RABEP2: variants seen among roughly 807,000 people sequenced by gnomAD.
RABEP2 encodes rabaptin, RAB GTPase binding effector protein 2, also known as rab GTPase-binding effector protein 2.
In RABEP2, 57 loss-of-function variants were observed where a neutral mutation model predicts 74.1. That is an observed-to-expected ratio of 0.77 (90% confidence interval 0.62 to 0.96). The LOEUF (loss-of-function observed/expected upper bound fraction) is 0.96. Ranked by LOEUF, RABEP2 falls within the 40% of genes least tolerant of loss-of-function variation. The probability of loss-of-function intolerance (pLI) is 0.00; values close to 1 mark genes in which losing one functional copy is unlikely to be tolerated. For missense variants in RABEP2, 692 were observed against 756.3 expected (o/e 0.91, Z 1.00); for synonymous variants, 351 against 344.0 (o/e 1.02, Z -0.23).
In RABEP2 at chr16:28,924,481, T is replaced by G. The variant is rs763953841; in HGVS notation, c.196A>C (p.Ser66Arg). 6.2e-7 allele frequency: 1 copy of G among 1,613,906 alleles called. No individual in the cohort carries two copies. The highest frequency in any genetic ancestry group is 2.2e-5 in the East Asian group (1 of 44,888). Residue 66 changes from serine to arginine, a missense_variant, in exon 2 of 13, where the codon AGC (serine) becomes CGC (arginine). Physicochemically the swap from Ser to Arg is moderately radical, Grantham distance 110. Transcript: ENST00000358201. Reference sequence around the variant, plus strand: ...GCAGCCACAGCCTCGGCCTTCGTGCTCTCGCTCACCTCTGCCACAGCCTTC... The same window carrying G: ...GCAGCCACAGCCTCGGCCTTCGTGCGCTCGCTCACCTCTGCCACAGCCTTC... ...TMKAVAEVSE[S>R]TKAEAVAAVQ...
chr16:28,910,711 G>A, intron 7 of RABEP2, 177 bp downstream of exon 7: 1 of 588,744 alleles, frequency 1.7e-6, no homozygotes, highest in Non-Finnish European at 3.0e-6. Flanking sequence ...CCCTGTTCTG[G>A]CCACGGCACC....
At position 28,908,614 on chromosome 16, in the gene RABEP2, C is replaced by T; in HGVS notation, c.1240G>A (p.Val414Met). 1 of 1,609,860 alleles carries T rather than the reference C, an allele frequency of 6.2e-7. No homozygotes were observed. The highest frequency in any genetic ancestry group is 8.5e-7 in the Non-Finnish European group (1 of 1,178,038). ...AGTGCCCACACTCAGCTTACTGGCACAGAGCTGGGCAGTGATTCCTCCTCG... is the reference window on the plus strand; with the variant it reads ...AGTGCCCACACTCAGCTTACTGGCATAGAGCTGGGCAGTGATTCCTCCTCG... ...QGEEESLPSS[V>M]PELQQLLCCT... The change falls in exon 8 of 13, where the codon GTG becomes ATG. Residue 414 changes from valine (V) to methionine (M), a missense_variant. Val to Met is a conservative substitution (Grantham distance 21). Coordinates refer to ENST00000358201, the MANE Select transcript of RABEP2 (RefSeq NM_024816.3).
chr16:28,908,127 G>C (rs1964260984), intron 8 of RABEP2, among the ~76,000 whole-genome samples: 1 of 152,120 alleles, frequency 6.6e-6, no homozygotes, highest in African/African-American at 2.4e-5. Context: ...ATTTTTAGTA[G>C]AGACAGGGTT....
rs974488889 is a variant in RABEP2, at chr16:28,905,510, G to A, written c.1495C>T (p.Gln499Ter). 1 of 1,610,626 alleles carries A rather than the reference G, an allele frequency of 6.2e-7. No individual in the cohort carries two copies. The highest frequency in any genetic ancestry group is 8.5e-7 in the Non-Finnish European group (1 of 1,179,212). Residue 499 changes from glutamine to a stop codon, truncating the protein, a stop_gained, in exon 12 of 13, where the codon CAG (glutamine) becomes TAG (stop). Transcript: ENST00000358201. LOFTEE classifies it high-confidence loss of function. The stretch of plus-strand genomic sequence containing the variant: ...TGTTCTGAGAGGAGGTCTGGGAGCT[G>A]GGCCTGCGGGGACAGACACCACACT... ...ERVQQEQSKA[Q>*]LPDLLSEQRA...
chr16:28,906,194 C>T lies in RABEP2; in HGVS notation c.1248G>A (p.Glu416=), dbSNP rs892779989. The part of the protein sequence containing the change: ...EEESLPSSVP[E]LQQLLCCTRQ... ...GCGTGCAGCACAGCAGCTGCTGCAG[C>T]TCCTGGAAGGGACGGAGGAGTCACC... The change falls in exon 9 of 13, where the codon GAG becomes GAA. Residue 416 remains glutamate (E), a splice_region_variant and synonymous_variant. Transcript: ENST00000358201. 1 of 1,585,028 alleles carries T rather than the reference C, an allele frequency of 6.3e-7. No homozygotes were observed. Among genetic ancestry groups the T allele is most frequent in the South Asian group, 1.1e-5 (1 of 88,344 alleles).
chr16:28,918,228 C>T (rs912023451), intron 3 of RABEP2, among the ~76,000 whole-genome samples: 4 of 151,576 alleles, frequency 2.6e-5, no homozygotes, highest in Non-Finnish European at 5.9e-5. Flanking sequence ...TACAGGCGCC[C>T]GCCACCGCGC....
Position 28,914,792 on chromosome 16 carries a change from G to A in RABEP2, c.433-10C>T, listed in dbSNP as rs201570165. 1.4e-3 allele frequency: 2,325 copies of A among 1,612,190 alleles called. 22 individuals are homozygous for A. Among genetic ancestry groups the A allele is most frequent in the South Asian group, 0.013 (1,191 of 90,992 alleles). ...CCGAGTCCTCGTGGGCCTGGAGGGA[G>A]CGGGGTGTGGCAGCAATAGTTCCCC... On this transcript the variant is annotated splice_polypyrimidine_tract_variant and intron_variant, in intron 3 of 12. Coordinates refer to ENST00000358201, the MANE Select transcript of RABEP2 (RefSeq NM_024816.3).
chr16:28,913,503 CAG>C (rs1269247910), intron 5 of RABEP2, among the ~76,000 whole-genome samples: 2 of 152,008 alleles, frequency 1.3e-5, no homozygotes, highest in South Asian at 2.1e-4. Context: ...TATTTTGAGA[CAG>C]AGTTTCACTC....
chr16:28,918,606 C>T (rs1327311064), intron 3 of RABEP2, among the ~76,000 whole-genome samples: 1 of 151,836 alleles, frequency 6.6e-6, no homozygotes. Flanking sequence ...CAGAGCAAGA[C>T]CCTGTCTCAA....
chr16:28,923,244 C>CA (rs921805894), intron 2 of RABEP2, among the ~76,000 whole-genome samples: 20 of 151,636 alleles, frequency 1.3e-4, no homozygotes, highest in African/African-American at 4.6e-4. Flanking sequence ...CCTGTTTCTA[C>CA]AAAAAAATAC....
chr16:28,911,207 A>G (rs1485072139), intron 5 of RABEP2, 28 bp from the exon 6 acceptor site: 1 of 1,598,576 alleles, frequency 6.3e-7, no homozygotes, highest in Admixed American at 1.7e-5. Context: ...TTCAGCCTGC[A>G]TCTCCCAGGA....
At chr16:28,906,279 G>A in intron 8 of RABEP2, 83 bp from the exon 9 acceptor site, 1 of 1,441,880 alleles carries the variant, frequency 6.9e-7, no homozygotes, top group South Asian at 1.4e-5. Flanking sequence ...GGGATTGTCG[G>A]GAGGAACGGG....
At chr16:28,920,214 A>T (rs960016551) in intron 2 of RABEP2, among the ~76,000 whole-genome samples, 4 of 152,076 alleles carry the variant, frequency 2.6e-5, no homozygotes, top group South Asian at 2.1e-4. Context: ...TAGTGTACAA[A>T]AAAATAAAAT....
At chr16:28,908,864 A>G (rs1383014054) in intron 7 of RABEP2, 100 bp from the exon 8 acceptor site, 1 of 1,271,438 alleles carries the variant, frequency 7.9e-7, no homozygotes. Flanking sequence ...ACTGACAGCA[A>G]GAGAGCCCAT....
intron 7 of RABEP2, chr16:28,910,285 C>CTT (rs78532991): frequency 3.8e-5 from 5 of 133,176 alleles, no homozygotes; most frequent in Admixed American, 1.6e-4. Context: ...ATCTGATTTG[C>CTT]TTTTTTTTTT....
At position 28,906,130 on chromosome 16, in the gene RABEP2, C is replaced by G. The variant is rs752008865; in HGVS notation, c.1312G>C (p.Gly438Arg). Residue 438 changes from glycine to arginine, a missense_variant, in exon 9 of 13, where the codon GGG (glycine) becomes CGG (arginine). Coordinates refer to ENST00000358201, the MANE Select transcript of RABEP2 (RefSeq NM_024816.3). ...ARARLQAQEH[G>R]AERLRIEIVT... ...ATCTCGATCCGCAGGCGCTCGGCCC[C>G]GTGCTCCTGGGCCTGCAGCCGGGCC... 1 of 1,580,272 alleles carries G rather than the reference C, an allele frequency of 6.3e-7. No homozygotes were observed.
At chr16:28,916,673 C>CAAAAAAAAAA (rs74392921) in intron 3 of RABEP2, among the ~76,000 whole-genome samples, 1 of 48,676 alleles carries the variant, frequency 2.1e-5, no homozygotes, top group African/African-American at 8.5e-5. Context: ...CTCTTGTCTC[C>CAAAAAAAAAA]AAAAAAAAAA....
chr16:28,919,646 TCAA>T, intron 3 of RABEP2, 137 bp downstream of exon 3: 3 of 1,029,968 alleles, frequency 2.9e-6, no homozygotes, highest in Non-Finnish European at 4.1e-6. Context: ...AGCCAAGCTC[TCAA>T]CAACACCTGG....
At position 28,914,335 on chromosome 16, in the gene RABEP2, C is replaced by G. The variant is rs987843886; in HGVS notation, c.795G>C (p.Ser265=). 1.2e-6 allele frequency: 2 copies of G among 1,613,244 alleles called. No homozygotes were observed. Among genetic ancestry groups the G allele is most frequent in the African/African-American group, 1.3e-5 (1 of 74,934 alleles). The change falls in exon 5 of 13, where the codon TCG becomes TCC. Residue 265 remains serine (S), a synonymous_variant. Transcript: ENST00000358201. ...GLSPEQEETA[S]LVSTGTLVPE... is the part of the protein sequence containing the mutation. ...GAACCAGGGTGCCCGTAGACACCAG[C>G]GAGGCCGTCTCTTCCTGTTCAGGGC...
Sources: allele counts gnomAD v4.1 joint callset (sites outside exome capture counted in the v4.1 genomes callset), GRCh38; gene constraint gnomAD v4.1.1; transcripts MANE v1.5; gene names NCBI Gene and HGNC (gene_info 2026-07-23, HGNC 2026-07-21).